PCDH15: variants seen among roughly 807,000 people sequenced by gnomAD.
The protein encoded by PCDH15 is protocadherin-15.
A neutral mutation model predicts 178.5 loss-of-function variants in PCDH15; 129 were observed. The ratio of observed to expected loss-of-function variants is 0.72; its 90% CI spans 0.63 to 0.84. The LOEUF is 0.84. Among genes scored for constraint, PCDH15 ranks in the 40% least tolerant of loss-of-function variants. The probability of loss-of-function intolerance (pLI) is 0.00; values close to 1 mark genes in which losing one functional copy is unlikely to be tolerated. For missense variants in PCDH15, 2,230 were observed against 2,099.9 expected (o/e 1.06, Z -1.21); for synonymous variants, 800 against 732.0 (o/e 1.09, Z -1.50).
chr10:55,409,752 T>C (rs1481318972), intron 2 of PCDH15, among the ~76,000 whole-genome samples: 1 of 152,200 alleles, frequency 6.6e-6, no homozygotes, highest in Non-Finnish European at 1.5e-5. Flanking sequence ...CAAAGTTATG[T>C]AAATATGTGC....
intron 11 of PCDH15, among the ~76,000 whole-genome samples, chr10:54,195,420 C>G (rs949430145): frequency 6.6e-6 from 1 of 152,006 alleles, no homozygotes. Flanking sequence ...AAATATTGCC[C>G]TCGTCATTAA....
At chr10:55,556,303 C>G (rs1391553846) in intron 2 of PCDH15, among the ~76,000 whole-genome samples, 1 of 152,096 alleles carries the variant, frequency 6.6e-6, no homozygotes, top group African/African-American at 2.4e-5. Context: ...TCATAGAAGA[C>G]AGTTGCTTTG....
chr10:54,155,395 A>G (rs1409392280), intron 13 of PCDH15, among the ~76,000 whole-genome samples: 1 of 152,160 alleles, frequency 6.6e-6, no homozygotes, highest in Non-Finnish European at 1.5e-5. Flanking sequence ...AGGGAACACA[A>G]TTAGCTCTGC....
intron 2 of PCDH15, among the ~76,000 whole-genome samples, chr10:55,397,335 AAG>A (rs1316510541): frequency 2.6e-5 from 4 of 152,124 alleles, no homozygotes; most frequent in Admixed American, 6.5e-5. Flanking sequence ...CAGGTTGAAA[AAG>A]AGTTTCCGCT....
intron 17 of PCDH15, among the ~76,000 whole-genome samples, chr10:54,075,335 C>T (rs540077568): frequency 1.6e-4 from 24 of 152,018 alleles, no homozygotes; most frequent in African/African-American, 5.1e-4. Context: ...CGAGATCGCG[C>T]CACTGCACTC....
chr10:55,306,382 A>G (rs985188195), intron 1 of PCDH15, among the ~76,000 whole-genome samples: 1 of 152,190 alleles, frequency 6.6e-6, no homozygotes, highest in East Asian at 1.9e-4. Flanking sequence ...GTTCCTATCA[A>G]TCTTTCACCT....
chr10:54,246,696 A>G (rs1329937479), intron 8 of PCDH15, among the ~76,000 whole-genome samples: 3 of 151,914 alleles, frequency 2.0e-5, no homozygotes, highest in African/African-American at 7.2e-5. Flanking sequence ...TGTTAAATAG[A>G]AGAATAAAGT....
intron 20 of PCDH15, among the ~76,000 whole-genome samples, chr10:54,004,951 TA>T (rs55808499): frequency 0.41 from 59,384 of 145,930 alleles, 15,546 homozygotes; most frequent in African/African-American, 0.73. Context: ...GGTACTGGCA[TA>T]AAAAAAAAAA....
intron 1 of PCDH15, among the ~76,000 whole-genome samples, chr10:54,710,160 T>C (rs2095413925): frequency 1.3e-5 from 2 of 151,972 alleles, no homozygotes; most frequent in African/African-American, 4.8e-5. Context: ...GAGTAATCCT[T>C]CTTCCTCTAA....
intron 2 of PCDH15, among the ~76,000 whole-genome samples, chr10:55,477,698 T>C (rs1840090521): frequency 6.6e-6 from 1 of 151,930 alleles, no homozygotes; most frequent in Non-Finnish European, 1.5e-5. Flanking sequence ...ATGTAATAGC[T>C]ATGAGGGTAA....
chr10:54,159,421 C>T (rs1397731681), intron 13 of PCDH15, among the ~76,000 whole-genome samples: 1 of 152,058 alleles, frequency 6.6e-6, no homozygotes, highest in African/African-American at 2.4e-5. Flanking sequence ...CAGAAGAAGA[C>T]ATGTCAAGAA....
chr10:53,957,932 C>A (rs913855618), intron 23 of PCDH15, among the ~76,000 whole-genome samples: 1 of 152,004 alleles, frequency 6.6e-6, no homozygotes, highest in African/African-American at 2.4e-5. Flanking sequence ...GTTTACATCT[C>A]GATGATTTAC....
chr10:55,091,342 T>C (rs911223397), intron 2 of PCDH15, among the ~76,000 whole-genome samples: 3 of 152,000 alleles, frequency 2.0e-5, no homozygotes, highest in Non-Finnish European at 4.4e-5. Context: ...AAGCGAACTA[T>C]GGCAAGTTTT....
intron 2 of PCDH15, among the ~76,000 whole-genome samples, chr10:55,135,773 G>T (rs1838178606): frequency 6.6e-6 from 1 of 151,402 alleles, no homozygotes; most frequent in Non-Finnish European, 1.5e-5. Flanking sequence ...TAGTAGAAAT[G>T]GGGTCTCACC....
At chr10:54,139,809 T>C (rs1460419824) in intron 14 of PCDH15, among the ~76,000 whole-genome samples, 2 of 152,108 alleles carry the variant, frequency 1.3e-5, no homozygotes, top group East Asian at 3.8e-4. Flanking sequence ...TGTAAAAAGT[T>C]ATAGATACGA....
At chr10:55,259,347 C>G (rs997330844) in intron 1 of PCDH15, among the ~76,000 whole-genome samples, 1 of 152,016 alleles carries the variant, frequency 6.6e-6, no homozygotes, top group Non-Finnish European at 1.5e-5. Flanking sequence ...GATCCCCAGT[C>G]TTGGAAAGGG....
At chr10:54,163,969 A>T (rs372031784) in intron 13 of PCDH15, among the ~76,000 whole-genome samples, 14 of 152,312 alleles carry the variant, frequency 9.2e-5, no homozygotes, top group East Asian at 5.8e-4. Context: ...TATTACAGTC[A>T]TATTTCTATG....
intron 2 of PCDH15, among the ~76,000 whole-genome samples, chr10:54,909,595 A>T (rs959333478): frequency 6.6e-6 from 1 of 152,060 alleles, no homozygotes; most frequent in African/African-American, 2.4e-5. Context: ...ACAGGGAGGC[A>T]TTCCTGGGCC....
chr10:55,037,303 G>A (rs1479104277), intron 2 of PCDH15, among the ~76,000 whole-genome samples: 2 of 151,760 alleles, frequency 1.3e-5, no homozygotes, highest in East Asian at 3.9e-4. Flanking sequence ...GCGTGATCTC[G>A]GCTCACTGCA....
Sources: allele counts gnomAD v4.1 joint callset (sites outside exome capture counted in the v4.1 genomes callset), GRCh38; gene constraint gnomAD v4.1.1; transcripts MANE v1.5; gene names NCBI Gene and HGNC (gene_info 2026-07-23, HGNC 2026-07-21).